The following SUCLA2 variants were observed in gnomAD, a reference collection of about 807,000 sequenced individuals.
SUCLA2 encodes succinate--CoA ligase [ADP-forming] subunit beta, mitochondrial.
In SUCLA2, 30 loss-of-function variants were observed where a neutral mutation model predicts 54.8. That is an observed-to-expected ratio of 0.55 (90% CI 0.41 to 0.74). The LOEUF (loss-of-function observed/expected upper bound fraction) is 0.74. Among genes scored for constraint, SUCLA2 ranks in the 30% least tolerant of loss-of-function variants. SUCLA2 has a pLI of 0.00. For synonymous variants in SUCLA2, 172 were observed against 188.9 expected, an observed-to-expected ratio of 0.91 and a Z score of 0.74; for missense variants, 476 against 562.9, an observed-to-expected ratio of 0.85 and a Z score of 1.56.
At chr13:47,976,630 T>G (rs1404881179) in intron 4 of SUCLA2, among the ~76,000 whole-genome samples, 1 of 152,174 alleles carries the variant, frequency 6.6e-6, no homozygotes, top group East Asian at 1.9e-4. Flanking sequence ...TGACACAGCT[T>G]GCTACAACTA....
At chr13:47,978,538 G>A (rs1263910555) in intron 4 of SUCLA2, among the ~76,000 whole-genome samples, 1 of 152,160 alleles carries the variant, frequency 6.6e-6, no homozygotes, top group African/African-American at 2.4e-5. Context: ...AGACTTAAAT[G>A]TAAGACCTAA....
At chr13:47,966,285 G>C (rs1175812988) in intron 6 of SUCLA2, among the ~76,000 whole-genome samples, 2 of 151,666 alleles carry the variant, frequency 1.3e-5, no homozygotes, top group Non-Finnish European at 2.9e-5. Flanking sequence ...TAAAAGTAAG[G>C]GGAAAAAAGC....
intron 2 of SUCLA2, among the ~76,000 whole-genome samples, chr13:47,992,084 T>C (rs748412264): frequency 2.6e-5 from 4 of 152,196 alleles, no homozygotes; most frequent in Non-Finnish European, 2.9e-5. Flanking sequence ...TAAATATTTG[T>C]TTATATCCGA....
intron 10 of SUCLA2, 37 bp from the exon 11 acceptor site, chr13:47,943,482 A>G: frequency 6.2e-7 from 1 of 1,606,932 alleles, no homozygotes; most frequent in Non-Finnish European, 8.5e-7. Flanking sequence ...ACAAAAAGGT[A>G]AATTCAGAAC....
intron 4 of SUCLA2, among the ~76,000 whole-genome samples, chr13:47,980,995 T>C (rs942683251): frequency 9.2e-5 from 14 of 151,976 alleles, no homozygotes; most frequent in Non-Finnish European, 1.8e-4. Flanking sequence ...ATAAAACTCA[T>C]AGAAGAAAAC....
chr13:47,972,406 C>T (rs376638798), intron 5 of SUCLA2, among the ~76,000 whole-genome samples: 15 of 152,238 alleles, frequency 9.9e-5, no homozygotes, highest in African/African-American at 2.2e-4. Context: ...CGCTGGCTCA[C>T]GCCTATAATC....
At position 47,942,765 on chromosome 13, in the gene SUCLA2, A is replaced by G. The variant is rs1593473314; in HGVS notation, c.*606T>C. 6.6e-6 allele frequency: 1 copy of G among 152,600 alleles called. No homozygotes were observed. The highest frequency in any genetic ancestry group is 1.9e-4 in the East Asian group (1 of 5,204). 9.5% of individuals were successfully genotyped at this position (152,600 alleles called of 1,614,324 possible). A position where few individuals can be genotyped will look rare whatever the true frequency, so the allele number is the denominator to read the frequency against. ...AAACCTACAGGTGTTTCTTAATATG[A>G]CAGAATCATGAAGACTTGCAGTTAA... On this transcript the variant is annotated 3_prime_UTR_variant, in exon 11 of 11. Transcript: ENST00000646932.
At chr13:47,977,228 A>C (rs1163589661) in intron 4 of SUCLA2, among the ~76,000 whole-genome samples, 2 of 152,166 alleles carry the variant, frequency 1.3e-5, no homozygotes, top group African/African-American at 4.8e-5. Context: ...CAATCTTCAA[A>C]ATCATAAAGA....
intron 4 of SUCLA2, among the ~76,000 whole-genome samples, chr13:47,984,876 A>G (rs899584815): frequency 2.6e-5 from 4 of 152,364 alleles, no homozygotes; most frequent in Admixed American, 1.3e-4. Context: ...TTTCAGGTAA[A>G]GTCAAAAATT....
chr13:47,943,103 G>A lies in SUCLA2; in HGVS notation c.*268C>T. On this transcript the variant is annotated 3_prime_UTR_variant, in exon 11 of 11. Transcript: ENST00000646932. ...CTTTGTATCCAACAATAATAAACTGGCAAATTGCAAGTTACGTTTTGTAGG... is the reference window on the plus strand; with the variant it reads ...CTTTGTATCCAACAATAATAAACTGACAAATTGCAAGTTACGTTTTGTAGG... 4.7e-6 allele frequency: 2 copies of A among 427,404 alleles called. No individual in the cohort carries two copies. Among genetic ancestry groups the A allele is most frequent in the South Asian group, 5.2e-5 (2 of 38,762 alleles). The allele number at this position is 427,404 out of a possible 1,614,324, so 26.5% of individuals were successfully genotyped here.
chr13:47,990,753 G>A (rs926234128), intron 2 of SUCLA2, among the ~76,000 whole-genome samples: 6 of 152,134 alleles, frequency 3.9e-5, no homozygotes, highest in African/African-American at 1.2e-4. Context: ...CATTTATCAA[G>A]CAGAATGAGA....
chr13:47,992,735 T>C (rs1950159593), intron 2 of SUCLA2, among the ~76,000 whole-genome samples: 1 of 152,226 alleles, frequency 6.6e-6, no homozygotes, highest in African/African-American at 2.4e-5. Context: ...ATTCCTTGTA[T>C]ACAGGTATCT....
intron 6 of SUCLA2, among the ~76,000 whole-genome samples, chr13:47,964,671 C>A (rs1420887044): frequency 6.6e-6 from 1 of 152,104 alleles, no homozygotes; most frequent in Non-Finnish European, 1.5e-5. Context: ...TCCTGGCTAA[C>A]ACGGTGAAAC....
chr13:47,964,688 T>C (rs1490112503), intron 6 of SUCLA2, among the ~76,000 whole-genome samples: 3 of 151,930 alleles, frequency 2.0e-5, no homozygotes, highest in Admixed American at 2.0e-4. Context: ...AAACCCCGTC[T>C]CTACTAAAAA....
chr13:47,980,690 A>G (rs746440174), intron 4 of SUCLA2, among the ~76,000 whole-genome samples: 1 of 152,096 alleles, frequency 6.6e-6, no homozygotes, highest in Non-Finnish European at 1.5e-5. Flanking sequence ...CTTTTAAAAT[A>G]TATTACAAGG....
chr13:47,967,658 T>C (rs983215325), intron 6 of SUCLA2, among the ~76,000 whole-genome samples: 1 of 148,108 alleles, frequency 6.8e-6, no homozygotes, highest in Non-Finnish European at 1.5e-5. Context: ...GTGGCCAACA[T>C]GGTGAAACCT....
In SUCLA2 at chr13:47,943,433, A is replaced by G; in HGVS notation, c.1330T>C (p.Ser444Pro). The change falls in exon 11 of 11, where the codon TCT becomes CCT. Residue 444 changes from serine to proline, a missense_variant. By Grantham distance (74) the Ser-to-Pro change is moderately conservative (BLOSUM62 -1). Around this residue, in one of 2 missense-constraint regions of SUCLA2, gnomAD observed 342 missense variants for 444.2 expected, o/e 0.77. Transcript: ENST00000646932. ...TGCTTCGCTAAGGTCACTATTTCAG[A>G]GAGCTTTACAACCTAAAAGAAAAGA... is the stretch of plus-strand genomic sequence containing the variant. ...DEAARMVVKLSEIVTLAKQAH... is the reference protein window; with the variant it reads ...DEAARMVVKLPEIVTLAKQAH... 3 of 1,613,936 alleles carry G rather than the reference A, an allele frequency of 1.9e-6. No homozygotes were observed. In the South Asian group the frequency reaches 3.3e-5, roughly 18 times the overall value.
chr13:47,950,755 C>T (rs1042113539), intron 8 of SUCLA2, among the ~76,000 whole-genome samples: 4 of 152,130 alleles, frequency 2.6e-5, no homozygotes, highest in Non-Finnish European at 4.4e-5. Flanking sequence ...TCATTCCCCT[C>T]AATTCTTGGG....
rs1412142733 is a variant in SUCLA2, at chr13:47,949,540, T to A, written c.1171A>T (p.Ile391Leu). ...TCCAAGTCTTTTACTGCCATGACTA[T>A]ACCCTGTGCAATAACATCACAGCGC... ...IMRCDVIAQG[I>L]VMAVKDLEIK... is the part of the protein sequence containing the mutation. Residue 391 changes from isoleucine (I) to leucine (L), a missense_variant, in exon 9 of 11, where the codon ATA becomes TTA. Physicochemically the swap from Ile to Leu is conservative, Grantham distance 5 (BLOSUM62 2). Around this residue, in one of 2 missense-constraint regions of SUCLA2, gnomAD observed 342 missense variants for 444.2 expected, o/e 0.77. Transcript: ENST00000646932. 1.2e-6 allele frequency: 2 copies of A among 1,613,452 alleles called. No homozygotes were observed. Among genetic ancestry groups the A allele is most frequent in the Admixed American group, 3.3e-5 (2 of 59,966 alleles).
Sources: allele counts gnomAD v4.1 joint callset (sites outside exome capture counted in the v4.1 genomes callset), GRCh38; gene constraint gnomAD v4.1.1; regional missense constraint gnomAD v4.1.1; transcripts MANE v1.5; gene names NCBI Gene and HGNC (gene_info 2026-07-23, HGNC 2026-07-21).